The following USH2A variants were observed in gnomAD, a reference collection of about 807,000 sequenced individuals.
USH2A encodes usherin.
A neutral mutation model predicts 538.9 loss-of-function variants in USH2A; 443 were observed. The observed-to-expected ratio is 0.82, with a 90% CI of 0.76 to 0.89. The LOEUF is 0.89. Among genes scored for constraint, USH2A ranks in the 40% least tolerant of loss-of-function variants. USH2A has a pLI of 0.00. For synonymous variants in USH2A, 2,413 were observed against 2,273.5 expected (o/e 1.06, Z -1.75); for missense variants, 6,633 against 6,324.8 (o/e 1.05, Z -1.65).
At chr1:216,198,170 C>G in intron 18 of USH2A, 145 bp downstream of exon 18, 17 of 1,196,818 alleles carry the variant, frequency 1.4e-5, no homozygotes, top group Non-Finnish European at 2.0e-5. Flanking sequence ...TGTAACAAAT[C>G]CATATATATG....
At chr1:216,363,271 C>T (rs919479092) in intron 4 of USH2A, among the ~76,000 whole-genome samples, 2 of 152,040 alleles carry the variant, frequency 1.3e-5, no homozygotes, top group Non-Finnish European at 2.9e-5. Flanking sequence ...CTAATACATG[C>T]CAGGTGCTTG....
intron 21 of USH2A, among the ~76,000 whole-genome samples, chr1:216,137,520 C>T (rs1338910615): frequency 3.3e-5 from 5 of 152,014 alleles, no homozygotes; most frequent in Admixed American, 1.3e-4. Context: ...CCCAACAGGC[C>T]GCCTGCAGAC....
At position 216,292,324 on chromosome 1, in the gene USH2A, C is replaced by A; in HGVS notation, c.1691G>T (p.Gly564Val). The A allele has an allele frequency of 6.2e-7, 1 of 1,613,978 alleles. No homozygotes were observed. Among genetic ancestry groups the A allele is most frequent in the Non-Finnish European group, 8.5e-7 (1 of 1,179,954 alleles). The change falls in exon 10 of 72, where the codon GGT becomes GTT. Residue 564 changes from glycine (G) to valine (V), a missense_variant. Gly to Val is a moderately radical substitution (Grantham distance 109). Coordinates refer to ENST00000307340, the MANE Select transcript of USH2A (RefSeq NM_206933.4). ...ACAATTGAAAGCGTAAACTTGATCA[C>A]CTTGGCGGAAAGGCTTGTCATTATA... is the stretch of plus-strand genomic sequence containing the variant. ...PLYNDKPFRQ[G>V]DQVYAFNCKP...
intron 50 of USH2A, among the ~76,000 whole-genome samples, chr1:215,797,964 A>G (rs1662192210): frequency 6.6e-6 from 1 of 152,220 alleles, no homozygotes; most frequent in Non-Finnish European, 1.5e-5. Context: ...TCTAGATGCA[A>G]TTAAGAATAT....
At position 216,140,200 on chromosome 1, in the gene USH2A, C is replaced by T. The variant is rs1044283131; in HGVS notation, c.4627+35052G>A. Among the ~76,000 whole-genome samples, 4 of 152,162 alleles carry T rather than the reference C, an allele frequency of 2.6e-5. No homozygotes were observed. In the East Asian group the frequency reaches 5.8e-4, roughly 22 times the overall value. ...TCAGTGGAAGAAGAAATAATTAACA[C>T]GGATTGCTGTTCACCTGCTGAACCT... is the stretch of plus-strand genomic sequence containing the variant. On this transcript the variant is annotated intron_variant, in intron 21 of 71. Transcript: ENST00000307340.
rs1659888132 is a variant in USH2A at position 215,728,205 on chromosome 1, G to A, written c.11891C>T (p.Pro3964Leu). The change falls in exon 61 of 72, where the codon CCA (proline) becomes CTA (leucine). Residue 3964 changes from proline to leucine, a missense_variant. Coordinates refer to ENST00000307340, the MANE Select transcript of USH2A (RefSeq NM_206933.4). The part of the protein sequence containing the change: ...LWSLTQTLEA[P>L]PQDFPAPWAQ... ...CCAAGGAGCTGGAAAATCTTGAGGT[G>A]GAGCTTCCAGAGTTTGTGTTAATGA... 4 of 1,613,990 alleles carry A rather than the reference G, an allele frequency of 2.5e-6. No homozygotes were observed. The highest frequency in any genetic ancestry group is 3.4e-6 in the Non-Finnish European group (4 of 1,180,046).
At chr1:215,913,081 C>T (rs1042025399) in intron 38 of USH2A, among the ~76,000 whole-genome samples, 2 of 152,092 alleles carry the variant, frequency 1.3e-5, no homozygotes. Context: ...TATGGAAATA[C>T]AGAAAGATTA....
intron 50 of USH2A, among the ~76,000 whole-genome samples, chr1:215,794,602 G>A (rs1434191968): frequency 1.3e-5 from 2 of 152,180 alleles, no homozygotes; most frequent in African/African-American, 4.8e-5. Context: ...GCAACCTGCA[G>A]AAAGAAAGTC....
intron 9 of USH2A, among the ~76,000 whole-genome samples, chr1:216,296,984 T>C (rs1161433298): frequency 6.6e-6 from 1 of 151,728 alleles, no homozygotes; most frequent in African/African-American, 2.4e-5. Flanking sequence ...CATACTCTCA[T>C]TTGATGAGTA....
intron 27 of USH2A, among the ~76,000 whole-genome samples, chr1:216,074,728 A>G (rs2031691066): frequency 6.6e-6 from 1 of 152,204 alleles, no homozygotes; most frequent in Non-Finnish European, 1.5e-5. Context: ...AAGAATTTTA[A>G]TGTATTTATC....
chr1:216,103,185 A>C (rs2032635175), intron 21 of USH2A, among the ~76,000 whole-genome samples: 1 of 152,248 alleles, frequency 6.6e-6, no homozygotes, highest in Non-Finnish European at 1.5e-5. Flanking sequence ...GAAAGGGCAC[A>C]AGGCAGGCCC....
chr1:215,664,853 G>T (rs994068727), intron 64 of USH2A, among the ~76,000 whole-genome samples: 1 of 152,098 alleles, frequency 6.6e-6, no homozygotes, highest in Non-Finnish European at 1.5e-5. Flanking sequence ...ATCTGCAGGT[G>T]CCTTGACCTT....
At chr1:216,174,548 A>T (rs1161046055) in intron 21 of USH2A, 18 of 983,156 alleles carry the variant, frequency 1.8e-5, no homozygotes, top group Non-Finnish European at 2.2e-5. Context: ...TAGTGCTTTC[A>T]CATTGATTTT....
At chr1:215,711,450 A>G (rs545313211) in intron 61 of USH2A, among the ~76,000 whole-genome samples, 1 of 152,320 alleles carries the variant, frequency 6.6e-6, no homozygotes, top group South Asian at 2.1e-4. Context: ...GGAAATACAA[A>G]TGAGGGAATT....
intron 9 of USH2A, among the ~76,000 whole-genome samples, chr1:216,308,636 A>G (rs900641199): frequency 6.6e-6 from 1 of 152,198 alleles, no homozygotes; most frequent in African/African-American, 2.4e-5. Context: ...ATAAAAAGAC[A>G]TTTTTAATAA....
chr1:215,982,270 A>G (rs571664922), intron 35 of USH2A, among the ~76,000 whole-genome samples: 1 of 152,308 alleles, frequency 6.6e-6, no homozygotes, highest in Admixed American at 6.5e-5. Flanking sequence ...ACAAGTGAGC[A>G]TATATGAATG....
chr1:215,858,968 G>T (rs369601846), intron 44 of USH2A, among the ~76,000 whole-genome samples: 2 of 152,032 alleles, frequency 1.3e-5, no homozygotes, highest in African/African-American at 4.8e-5. Flanking sequence ...TTCTGCTGAG[G>T]GCTCTTTCCC....
At chr1:215,693,106 G>A (rs375396139) in intron 61 of USH2A, among the ~76,000 whole-genome samples, 210 of 107,242 alleles carry the variant, frequency 2.0e-3, no homozygotes, top group Non-Finnish European at 2.9e-3. Flanking sequence ...GTGTGTGTGT[G>A]TGTGTATGTG....
intron 3 of USH2A, among the ~76,000 whole-genome samples, chr1:216,373,493 A>C (rs115645478): frequency 6.6e-6 from 1 of 152,122 alleles, no homozygotes; most frequent in Non-Finnish European, 1.5e-5. Flanking sequence ...AACTATCTCA[A>C]CGTTACAGGA....
Sources: gnomAD v4.1 joint callset for allele counts (sites outside exome capture counted in the v4.1 genomes callset) on GRCh38, gnomAD v4.1.1 for gene constraint, MANE v1.5 for transcripts, NCBI Gene and HGNC (gene_info 2026-07-23, HGNC 2026-07-21) for gene names.